The following NCAM2 variants were observed in gnomAD, a reference collection of about 807,000 sequenced individuals.
NCAM2 encodes neural cell adhesion molecule 2, also known as N-CAM-2.
NCAM2 carries 30 observed loss-of-function variants against 98.1 expected under a neutral mutation model. That is an observed-to-expected ratio of 0.31 (90% CI 0.23 to 0.41). The LOEUF is 0.41. NCAM2 is among the 10% of genes least tolerant of loss of function. The pLI, the probability that NCAM2 is intolerant of heterozygous loss-of-function variation, is 1.00. For missense variants in NCAM2, 867 were observed against 1,005.8 expected (o/e 0.86, Z 1.87); for synonymous variants, 368 against 342.4 (o/e 1.07, Z -0.83).
At chr21:21,493,927 A>G (rs1460890320) in intron 15 of NCAM2, among the ~76,000 whole-genome samples, 1 of 151,966 alleles carries the variant, frequency 6.6e-6, no homozygotes, top group Non-Finnish European at 1.5e-5. Flanking sequence ...TGCATTATAT[A>G]ATAATAGACG....
At chr21:21,294,882 A>T (rs1375640709) in intron 5 of NCAM2, among the ~76,000 whole-genome samples, 3 of 151,606 alleles carry the variant, frequency 2.0e-5, no homozygotes, top group East Asian at 2.0e-4. Flanking sequence ...TTCAGTGAAA[A>T]TTTTGAGGCT....
intron 1 of NCAM2, among the ~76,000 whole-genome samples, chr21:21,160,289 G>A (rs2067742150): frequency 6.6e-6 from 1 of 151,810 alleles, no homozygotes; most frequent in African/African-American, 2.4e-5. Context: ...TGATCTATAT[G>A]CTTCTATAAT....
intron 1 of NCAM2, among the ~76,000 whole-genome samples, chr21:21,075,950 C>T (rs146854727): frequency 0.019 from 2,869 of 151,834 alleles, 90 homozygotes; most frequent in African/African-American, 0.066. Context: ...AACCCCGTCT[C>T]GACTAAAAAT....
intron 16 of NCAM2, among the ~76,000 whole-genome samples, chr21:21,516,681 A>C (rs899390423): frequency 6.6e-6 from 1 of 151,708 alleles, no homozygotes; most frequent in African/African-American, 2.4e-5. Flanking sequence ...TCCACTTTCA[A>C]CTTCCTCCCT....
intron 16 of NCAM2, among the ~76,000 whole-genome samples, chr21:21,532,185 G>A (rs1989741983): frequency 6.6e-6 from 1 of 151,772 alleles, no homozygotes. Flanking sequence ...TAAATATATG[G>A]TGGTACATAC....
At chr21:21,427,082 T>C (rs1010377614) in intron 11 of NCAM2, among the ~76,000 whole-genome samples, 1 of 152,184 alleles carries the variant, frequency 6.6e-6, no homozygotes. Context: ...AGAGCACAGT[T>C]AGTGTCTATG....
intron 1 of NCAM2, among the ~76,000 whole-genome samples, chr21:21,222,560 A>C (rs1036452776): frequency 6.6e-6 from 1 of 152,146 alleles, no homozygotes; most frequent in Non-Finnish European, 1.5e-5. Flanking sequence ...TGTAACTTCA[A>C]ATGTGGTGGA....
chr21:21,470,318 A>G (rs1461258094), intron 14 of NCAM2, among the ~76,000 whole-genome samples: 1 of 152,134 alleles, frequency 6.6e-6, no homozygotes, highest in African/African-American at 2.4e-5. Context: ...CTTCAAATTC[A>G]TATTGATTTC....
At chr21:21,163,043 G>A (rs1156631559) in intron 1 of NCAM2, among the ~76,000 whole-genome samples, 1 of 152,090 alleles carries the variant, frequency 6.6e-6, no homozygotes. Flanking sequence ...AGTCCAATTA[G>A]CATATTCTTT....
chr21:21,477,855 G>A (rs1985370785), intron 15 of NCAM2, among the ~76,000 whole-genome samples: 1 of 152,084 alleles, frequency 6.6e-6, no homozygotes, highest in South Asian at 2.1e-4. Flanking sequence ...TTGACCGAAG[G>A]TAATGATGAG....
Position 21,292,974 on chromosome 21 carries a change from T to C in NCAM2, c.619+733T>C, listed in dbSNP as rs190893303. ...TTACATGACAGCAGGCAAGAGTGCG[T>C]GAGAAAGAGTGAAGAAATGCCACAC... On this transcript the variant is annotated intron_variant, in intron 5 of 17. Coordinates refer to ENST00000400546, the MANE Select transcript of NCAM2 (RefSeq NM_004540.5). 1.5e-3 allele frequency among the ~76,000 whole-genome samples: 230 copies of C among 151,892 alleles called. 2 individuals are homozygous for C. Among genetic ancestry groups the C allele is most frequent in the African/African-American group, 5.4e-3 (223 of 41,484 alleles).
At chr21:21,239,529 T>C (rs2070983499) in intron 1 of NCAM2, 1 of 152,202 alleles carries the variant, frequency 6.6e-6, no homozygotes. Flanking sequence ...AGGCTTTCTA[T>C]TGTTAAACAT....
chr21:21,393,696 T>C (rs2076431990), intron 9 of NCAM2, among the ~76,000 whole-genome samples: 1 of 152,156 alleles, frequency 6.6e-6, no homozygotes, highest in Non-Finnish European at 1.5e-5. Context: ...AATTCTTCCT[T>C]TGATAACTCA....
intron 1 of NCAM2, among the ~76,000 whole-genome samples, chr21:21,151,275 T>G (rs2067440685): frequency 6.6e-6 from 1 of 152,048 alleles, no homozygotes; most frequent in African/African-American, 2.4e-5. Context: ...TTAATGTGTA[T>G]TTTTTATCAT....
intron 1 of NCAM2, among the ~76,000 whole-genome samples, chr21:21,278,422 G>T (rs1170487557): frequency 6.6e-6 from 1 of 152,232 alleles, no homozygotes; most frequent in Non-Finnish European, 1.5e-5. Context: ...AAAGGAAAAA[G>T]ACATCTGAAT....
intron 1 of NCAM2, among the ~76,000 whole-genome samples, chr21:21,054,803 G>A (rs9637136): frequency 0.06 from 9,098 of 152,064 alleles, 286 homozygotes; most frequent in East Asian, 0.097. Flanking sequence ...TGAACAGTGT[G>A]CTGCTTAAAA....
chr21:21,142,345 A>G (rs374432515), intron 1 of NCAM2, among the ~76,000 whole-genome samples: 2 of 140,416 alleles, frequency 1.4e-5, no homozygotes, highest in East Asian at 2.1e-4. Context: ...GTTTAACTTC[A>G]CTTTTTAAAT....
At chr21:21,332,753 G>A (rs1355207846) in intron 6 of NCAM2, among the ~76,000 whole-genome samples, 1 of 152,126 alleles carries the variant, frequency 6.6e-6, no homozygotes, top group Non-Finnish European at 1.5e-5. Context: ...CTCTGTTCGT[G>A]TTCTCTGCCT....
chr21:21,415,614 C>T (rs1230793747), intron 10 of NCAM2, among the ~76,000 whole-genome samples: 3 of 152,226 alleles, frequency 2.0e-5, no homozygotes, highest in Admixed American at 6.5e-5. Flanking sequence ...GGATTACAGG[C>T]GTGAGCCACC....
Sources: allele counts gnomAD v4.1 joint callset (sites outside exome capture counted in the v4.1 genomes callset), GRCh38; gene constraint gnomAD v4.1.1; transcripts MANE v1.5; gene names NCBI Gene and HGNC (gene_info 2026-07-23, HGNC 2026-07-21).